The following PAK5 variants were observed in gnomAD, a reference collection of about 807,000 sequenced individuals.
The protein encoded by PAK5 is serine/threonine-protein kinase PAK 5.
A neutral mutation model predicts 65.9 loss-of-function variants in PAK5; 16 were observed. The observed-to-expected ratio is 0.24, with a 90% confidence interval of 0.16 to 0.37. The LOEUF (loss-of-function observed/expected upper bound fraction) is 0.37. Among genes scored for constraint, PAK5 ranks in the 10% least tolerant of loss-of-function variants. The pLI, the probability that PAK5 is intolerant of heterozygous loss-of-function variation, is 1.00. For missense variants in PAK5, 785 were observed against 903.9 expected (o/e 0.87, Z 1.69); for synonymous variants, 371 against 354.9 (o/e 1.05, Z -0.51).
chr20:9,567,027 C>T (rs2045695031), intron 4 of PAK5, among the ~76,000 whole-genome samples: 1 of 152,066 alleles, frequency 6.6e-6, no homozygotes, highest in African/African-American at 2.4e-5. Flanking sequence ...AATGGGGAAG[C>T]CAGTGAGGGG....
At chr20:9,835,181 C>G (rs1979048083) in intron 1 of PAK5, among the ~76,000 whole-genome samples, 3 of 152,082 alleles carry the variant, frequency 2.0e-5, no homozygotes, top group Non-Finnish European at 4.4e-5. Context: ...ACTCATTCAC[C>G]AAAAGTTCAT....
chr20:9,615,474 A>G (rs1022174191), intron 3 of PAK5, among the ~76,000 whole-genome samples: 1 of 152,222 alleles, frequency 6.6e-6, no homozygotes, highest in East Asian at 1.9e-4. Context: ...CAGTGAACCT[A>G]AAACTGCTCT....
intron 3 of PAK5, among the ~76,000 whole-genome samples, chr20:9,618,663 T>C (rs560185904): frequency 1.3e-5 from 2 of 151,944 alleles, no homozygotes; most frequent in Admixed American, 1.3e-4. Context: ...TCCACCCACC[T>C]TGGCCTCCCA....
chr20:9,736,079 T>C (rs2048385999), intron 1 of PAK5, among the ~76,000 whole-genome samples: 1 of 151,818 alleles, frequency 6.6e-6, no homozygotes, highest in African/African-American at 2.4e-5. Flanking sequence ...TTTTGTATTT[T>C]TAGTAGAGAT....
chr20:9,760,690 T>TC (rs33912332), intron 1 of PAK5, among the ~76,000 whole-genome samples: 47 of 149,712 alleles, frequency 3.1e-4, no homozygotes, highest in Non-Finnish European at 5.2e-4. Context: ...TTTTTTTTTT[T>TC]AGACAGAGTA....
chr20:9,576,292 A>G (rs1409858336), intron 4 of PAK5, among the ~76,000 whole-genome samples: 1 of 152,168 alleles, frequency 6.6e-6, no homozygotes, highest in Non-Finnish European at 1.5e-5. Context: ...TCCAAAATCT[A>G]TATCTTTAAC....
chr20:9,657,072 C>T (rs562876720), intron 2 of PAK5, among the ~76,000 whole-genome samples: 1 of 152,236 alleles, frequency 6.6e-6, no homozygotes, highest in African/African-American at 2.4e-5. Flanking sequence ...CCTGTAACCA[C>T]CAGCACAATC....
chr20:9,636,204 T>C (rs951435248), intron 3 of PAK5, among the ~76,000 whole-genome samples: 7 of 152,088 alleles, frequency 4.6e-5, no homozygotes, highest in African/African-American at 1.4e-4. Context: ...CCCATGGAAA[T>C]AAAACTAAGA....
intron 1 of PAK5, among the ~76,000 whole-genome samples, chr20:9,748,312 C>T (rs201783729): frequency 2.0e-5 from 3 of 152,022 alleles, no homozygotes; most frequent in Non-Finnish European, 4.4e-5. Context: ...CCAATGACTT[C>T]CTTCACAGAA....
At chr20:9,743,757 G>C (rs1020085120) in intron 1 of PAK5, among the ~76,000 whole-genome samples, 1 of 152,112 alleles carries the variant, frequency 6.6e-6, no homozygotes, top group East Asian at 1.9e-4. Context: ...ATATTTCAAG[G>C]GAAATGCCCT....
intron 3 of PAK5, among the ~76,000 whole-genome samples, chr20:9,614,806 C>A (rs891053855): frequency 6.6e-5 from 10 of 152,204 alleles, no homozygotes; most frequent in African/African-American, 2.4e-4. Flanking sequence ...GCTAGCAGAT[C>A]TGCCTTGTTA....
chr20:9,606,047 C>T (rs1448903113), intron 3 of PAK5, among the ~76,000 whole-genome samples: 3 of 152,072 alleles, frequency 2.0e-5, no homozygotes, highest in African/African-American at 7.2e-5. Flanking sequence ...GATCTGTGTC[C>T]CTGCCCAAAT....
At chr20:9,619,140 CTGGAACTCCTGGG>C (rs1326119023) in intron 3 of PAK5, among the ~76,000 whole-genome samples, 8 of 151,602 alleles carry the variant, frequency 5.3e-5, no homozygotes, top group Non-Finnish European at 1.0e-4. Flanking sequence ...CCAGCCTGGT[CTGGAACTCCTGGG>C]TTCAAATGAT....
intron 1 of PAK5, among the ~76,000 whole-genome samples, chr20:9,816,052 G>T (rs899170865): frequency 6.6e-6 from 1 of 152,130 alleles, no homozygotes; most frequent in East Asian, 1.9e-4. Context: ...TGAATTATAG[G>T]AGATTGGAAC....
chr20:9,546,500 C>T (rs1555894082), intron 7 of PAK5, among the ~76,000 whole-genome samples: 1 of 152,010 alleles, frequency 6.6e-6, no homozygotes, highest in Non-Finnish European at 1.5e-5. Context: ...TGAGAAGGTC[C>T]TTGGGATATG....
chr20:9,670,811 C>T (rs1044910827), intron 2 of PAK5, among the ~76,000 whole-genome samples: 9 of 152,140 alleles, frequency 5.9e-5, no homozygotes, highest in Admixed American at 3.3e-4. Flanking sequence ...GCTTTCGTTG[C>T]CATTGCTTTT....
At position 9,656,550 on chromosome 20, in the gene PAK5, G is replaced by A. The variant is rs113351977; in HGVS notation, c.-11-12211C>T. Among the ~76,000 whole-genome samples, 89 of 152,244 alleles carry A rather than the reference G, an allele frequency of 5.8e-4. 1 individual carries two copies. The highest frequency in any genetic ancestry group is 3.4e-3 in the Middle Eastern group (1 of 294). On this transcript the variant is annotated intron_variant, in intron 2 of 9. Transcript: ENST00000353224. ...TACCAAGTACTATAGGCAAGGTAGT[G>A]GTGTTTGAGACTTTATAGAGTAGAA...
At chr20:9,631,771 C>T (rs12624753) in intron 3 of PAK5, among the ~76,000 whole-genome samples, 53,453 of 152,072 alleles carry the variant, frequency 0.35, 11,220 homozygotes, top group South Asian at 0.63. Flanking sequence ...CTAGCAAACA[C>T]TTAGACAGGT....
At chr20:9,747,171 G>A (rs1185748498) in intron 1 of PAK5, among the ~76,000 whole-genome samples, 1 of 152,056 alleles carries the variant, frequency 6.6e-6, no homozygotes, top group Non-Finnish European at 1.5e-5. Context: ...AATAACAGGA[G>A]CTGAAATTGT....
Sources: allele counts gnomAD v4.1 joint callset (sites outside exome capture counted in the v4.1 genomes callset), GRCh38; gene constraint gnomAD v4.1.1; transcripts MANE v1.5; gene names NCBI Gene and HGNC (gene_info 2026-07-23, HGNC 2026-07-21).